The following TRPM6 variants were observed in gnomAD, a reference collection of about 807,000 sequenced individuals.
The protein encoded by TRPM6 is transient receptor potential cation channel subfamily M member 6.
In TRPM6, 111 loss-of-function variants were observed where a neutral mutation model predicts 247.6. The ratio of observed to expected loss-of-function variants is 0.45; its 90% CI spans 0.38 to 0.52. TRPM6 has a LOEUF of 0.52. TRPM6 is among the 20% of genes least tolerant of loss of function. The pLI, the probability that TRPM6 is intolerant of heterozygous loss-of-function variation, is 0.00. For missense variants in TRPM6, 2,126 were observed against 2,421.5 expected (o/e 0.88, Z 2.56); for synonymous variants, 892 against 853.8 (o/e 1.04, Z -0.78).
intron 1 of TRPM6, among the ~76,000 whole-genome samples, chr9:74,886,503 C>CT (rs1260483579): frequency 6.0e-5 from 9 of 150,714 alleles, no homozygotes; most frequent in Non-Finnish European, 1.3e-4. Context: ...TTCTCAGTGT[C>CT]TTTTTTTCTC....
chr9:74,727,506 A>G (rs908662923), intron 38 of TRPM6, among the ~76,000 whole-genome samples: 1 of 151,724 alleles, frequency 6.6e-6, no homozygotes, highest in Non-Finnish European at 1.5e-5. Flanking sequence ...ATCATTTATT[A>G]TAAGGCAAGA....
intron 9 of TRPM6, among the ~76,000 whole-genome samples, chr9:74,818,014 C>T (rs1829002237): frequency 6.6e-6 from 1 of 152,136 alleles, no homozygotes; most frequent in Non-Finnish European, 1.5e-5. Context: ...CACATTGTTT[C>T]CTTTCACCTG....
chr9:74,824,156 CA>C (rs1380718277), intron 7 of TRPM6, among the ~76,000 whole-genome samples: 1 of 147,076 alleles, frequency 6.8e-6, no homozygotes, highest in Non-Finnish European at 1.5e-5. Context: ...CTGTTAGGTA[CA>C]CTTTTTTTTT....
chr9:74,732,834 C>T, intron 36 of TRPM6, 98 bp from the exon 37 acceptor site: 1 of 911,406 alleles, frequency 1.1e-6, no homozygotes, highest in Admixed American at 2.1e-5. Context: ...TAATTTAAAA[C>T]TCACAGTCAC....
At chr9:74,863,660 C>T (rs1364419782) in intron 1 of TRPM6, among the ~76,000 whole-genome samples, 2 of 152,094 alleles carry the variant, frequency 1.3e-5, no homozygotes, top group South Asian at 2.1e-4. Flanking sequence ...CGGCTCACTG[C>T]GAGCTCCGCC....
At chr9:74,863,831 C>T (rs901656226) in intron 1 of TRPM6, among the ~76,000 whole-genome samples, 2 of 151,844 alleles carry the variant, frequency 1.3e-5, no homozygotes, top group African/African-American at 4.8e-5. Context: ...TGTTATCCGC[C>T]CAACTCGGCC....
At chr9:74,810,789 T>G (rs1384546280) in intron 13 of TRPM6, 26 bp downstream of exon 13, 1 of 1,608,540 alleles carries the variant, frequency 6.2e-7, no homozygotes, top group Non-Finnish European at 8.5e-7. Flanking sequence ...CACAAAGACA[T>G]GTTCACGCCT....
At chr9:74,839,920 A>AGAGGGAGGGAGGGAC in intron 5 of TRPM6, 104 bp downstream of exon 5, 1 of 325,650 alleles carries the variant, frequency 3.1e-6, no homozygotes, top group East Asian at 9.7e-5. Flanking sequence ...GAGGGAGGGA[A>AGAGGGAGGGAGGGAC]AGAAAAGAAA....
At chr9:74,819,392 C>T (rs923040608) in intron 9 of TRPM6, among the ~76,000 whole-genome samples, 1 of 152,004 alleles carries the variant, frequency 6.6e-6, no homozygotes, top group Non-Finnish European at 1.5e-5. Flanking sequence ...GCCTATAATC[C>T]CAGCACTTTA....
intron 25 of TRPM6, among the ~76,000 whole-genome samples, chr9:74,769,763 G>A (rs1826960651): frequency 7.7e-6 from 1 of 130,316 alleles, no homozygotes; most frequent in South Asian, 2.6e-4. Context: ...TTGAAATAAA[G>A]GAAGGAAGGA....
Position 74,747,921 on chromosome 9 carries a change from G to A in TRPM6, c.5058-7C>T, listed in dbSNP as rs1563995255. ...TCCAATTGAACTTTTCAGCCTGTTTGAAAAAAAAATGAAGTTGTTTAGATA... is the reference window on the plus strand; with the variant it reads ...TCCAATTGAACTTTTCAGCCTGTTTAAAAAAAAAATGAAGTTGTTTAGATA... On this transcript the variant is annotated splice_region_variant and splice_polypyrimidine_tract_variant and intron_variant, in intron 30 of 38. Coordinates refer to ENST00000360774, the MANE Select transcript of TRPM6 (RefSeq NM_017662.5). 4.4e-6 allele frequency: 7 copies of A among 1,589,794 alleles called. No homozygotes were observed. Among genetic ancestry groups the A allele is most frequent in the Non-Finnish European group, 6.0e-6 (7 of 1,164,230 alleles).
At chr9:74,727,400 A>G (rs1043569959) in intron 38 of TRPM6, among the ~76,000 whole-genome samples, 3 of 151,852 alleles carry the variant, frequency 2.0e-5, no homozygotes, top group South Asian at 2.1e-4. Context: ...AAAAAAAAAA[A>G]AAAAGAAATC....
At chr9:74,789,785 C>A (rs1444791308) in intron 19 of TRPM6, among the ~76,000 whole-genome samples, 1 of 151,868 alleles carries the variant, frequency 6.6e-6, no homozygotes, top group Non-Finnish European at 1.5e-5. Flanking sequence ...CATGGTGAAA[C>A]CCCGTCTCTA....
intron 2 of TRPM6, among the ~76,000 whole-genome samples, chr9:74,856,291 T>A (rs1322667195): frequency 6.6e-6 from 1 of 151,968 alleles, no homozygotes; most frequent in African/African-American, 2.4e-5. Flanking sequence ...ATTCAAAAAA[T>A]TAGCCCTGTG....
At chr9:74,827,640 G>C (rs922209417) in intron 7 of TRPM6, 138 bp downstream of exon 7, 1 of 851,632 alleles carries the variant, frequency 1.2e-6, no homozygotes, top group African/African-American at 1.7e-5. Flanking sequence ...GCCCATGTGG[G>C]AAGGGGGGTG....
intron 36 of TRPM6, 47 bp from the exon 37 acceptor site, chr9:74,732,783 T>G: frequency 1.5e-6 from 2 of 1,342,834 alleles, no homozygotes; most frequent in Non-Finnish European, 2.1e-6. Context: ...GATTTCATTT[T>G]CTTAGAAATT....
chr9:74,794,116 G>A (rs1294980103), intron 18 of TRPM6, among the ~76,000 whole-genome samples: 4 of 152,214 alleles, frequency 2.6e-5, no homozygotes, highest in Admixed American at 2.0e-4. Flanking sequence ...AAGCAAAAGC[G>A]ATATCACTCT....
At chr9:74,880,573 A>T (rs1229968286) in intron 1 of TRPM6, among the ~76,000 whole-genome samples, 1 of 152,218 alleles carries the variant, frequency 6.6e-6, no homozygotes, top group East Asian at 1.9e-4. Context: ...CCATCCAAGG[A>T]TACTATTCCT....
At chr9:74,876,966 T>C (rs1280565060) in intron 1 of TRPM6, among the ~76,000 whole-genome samples, 1 of 152,108 alleles carries the variant, frequency 6.6e-6, no homozygotes, top group Admixed American at 6.5e-5. Context: ...AAAGAACAAA[T>C]GTCGAATAAA....
Sources: gnomAD v4.1 joint callset for allele counts (sites outside exome capture counted in the v4.1 genomes callset) on GRCh38, gnomAD v4.1.1 for gene constraint, MANE v1.5 for transcripts, NCBI Gene and HGNC (gene_info 2026-07-23, HGNC 2026-07-21) for gene names.